GRIN1: variants seen among roughly 807,000 people sequenced by gnomAD.
GRIN1 encodes the protein glutamate receptor ionotropic, NMDA 1.
A neutral mutation model predicts 103.0 loss-of-function variants in GRIN1; 38 were observed. That is an observed-to-expected ratio of 0.37 (90% confidence interval 0.28 to 0.48). The LOEUF is 0.48. GRIN1 is among the 20% of genes least tolerant of loss of function. The pLI is 0.98. For missense variants in GRIN1, 577 were observed against 1,288.9 expected, an observed-to-expected ratio of 0.45 and a Z score of 8.46; for synonymous variants, 544 against 532.7, an observed-to-expected ratio of 1.02 and a Z score of -0.29.
In GRIN1 at chr9:137,162,164, C is replaced by T. The variant is rs1467409535; in HGVS notation, c.1633-8C>T. On this transcript the variant is annotated splice_polypyrimidine_tract_variant and splice_region_variant and intron_variant, in intron 11 of 19. Transcript: ENST00000371561. ...CCCGGGCCGCGCTGACCTCGCGTCCCTCCGCAGGAGATTCCCCGGAGCACG... is the reference window on the plus strand; with the variant it reads ...CCCGGGCCGCGCTGACCTCGCGTCCTTCCGCAGGAGATTCCCCGGAGCACG... 1.3e-6 allele frequency: 2 copies of T among 1,544,572 alleles called. No individual in the cohort carries two copies.
Position 137,139,777 on chromosome 9 carries a change from C to G in GRIN1, c.258+33C>G, listed in dbSNP as rs1211063203. On this transcript the variant is annotated intron_variant, in intron 1 of 19. Transcript: ENST00000371561. The surrounding 1 kb of genome is among the most constrained non-coding windows in gnomAD (Gnocchi z 7.7). ...CCCCCACCTCCGCCACCCACCTCCC[C>G]TCTCCTCCATCCTGCAACCCCACAC... 1 of 1,567,432 alleles carries G rather than the reference C, an allele frequency of 6.4e-7. No individual in the cohort carries two copies. The highest frequency in any genetic ancestry group is 8.8e-7 in the Non-Finnish European group (1 of 1,138,134).
rs753854462 is a variant in GRIN1 at position 137,162,404 on chromosome 9, C to T, written c.1752C>T (p.Ser584=). The T allele has an allele frequency of 5.0e-6, 8 of 1,603,190 alleles. No homozygotes were observed. The East Asian group carries it at 1.8e-4, about 36-fold the overall frequency. The change falls in exon 13 of 20, where the codon AGC becomes AGT. Residue 584 remains serine, a splice_region_variant and synonymous_variant. Coordinates refer to ENST00000371561, the MANE Select transcript of GRIN1 (RefSeq NM_007327.4). Reference sequence around the variant, plus strand: ...CCCGCCCGCCCTCTGCGCCCCGCAGCCCCTTCGGCCGGTTCAAGGTGAACA... The same window carrying T: ...CCCGCCCGCCCTCTGCGCCCCGCAGTCCCTTCGGCCGGTTCAAGGTGAACA... ...AVMLYLLDRF[S]PFGRFKVNSE...
chr9:137,153,091 A>G (rs1045665598), intron 4 of GRIN1, among the ~76,000 whole-genome samples: 6 of 151,932 alleles, frequency 3.9e-5, no homozygotes, highest in African/African-American at 1.5e-4. Context: ...ACGTGTACAC[A>G]CATGCACCAT....
Position 137,162,448 on chromosome 9 carries a change from AC to A in GRIN1, c.1797del (p.Asp599GlufsTer3). 6.2e-7 allele frequency: 1 copy of A among 1,610,388 alleles called. No individual in the cohort carries two copies. Reference sequence around the variant, plus strand: ...GTGAACAGCGAGGAGGAGGAGGAGGACGCACTGACCCTGTCCTCGGCCATGT... The same window carrying A: ...GTGAACAGCGAGGAGGAGGAGGAGGAGCACTGACCCTGTCCTCGGCCATGT... ...FKVNSEEEEE[D>X]ALTLSSAMWF... On this transcript the variant is annotated frameshift_variant, in exon 13 of 20. Coordinates refer to ENST00000371561, the MANE Select transcript of GRIN1 (RefSeq NM_007327.4). LOFTEE classifies it high-confidence loss of function.
chr9:137,152,063 C>T (rs552674550), intron 4 of GRIN1, among the ~76,000 whole-genome samples: 46 of 152,002 alleles, frequency 3.0e-4, no homozygotes, highest in Non-Finnish European at 5.4e-4. Flanking sequence ...CCTGCCACCA[C>T]GCCCTGCTAC....
intron 6 of GRIN1, 105 bp downstream of exon 6, chr9:137,157,142 T>G: frequency 9.9e-7 from 1 of 1,011,626 alleles, no homozygotes; most frequent in Non-Finnish European, 1.4e-6. Flanking sequence ...GCGGGGCCAC[T>G]CTCCAGAGCT....
chr9:137,164,387 T>A lies in GRIN1; in HGVS notation c.2589+483T>A. 2.1e-5 allele frequency: 5 copies of A among 238,194 alleles called. No homozygotes were observed. In the South Asian group the frequency reaches 2.6e-4, roughly 13 times the overall value. The allele number at this position is 238,194 out of a possible 1,614,324, so 14.8% of individuals were successfully genotyped here. On this transcript the variant is annotated intron_variant, in intron 18 of 19. Coordinates refer to ENST00000371561, the MANE Select transcript of GRIN1 (RefSeq NM_007327.4). Reference sequence around the variant, plus strand: ...GTCCGGTCCTGCCTGGTGCCCAGGTTGTATCCATGAGAATTTGCCACCAGC... The same window carrying A: ...GTCCGGTCCTGCCTGGTGCCCAGGTAGTATCCATGAGAATTTGCCACCAGC...
intron 8 of GRIN1, among the ~76,000 whole-genome samples, chr9:137,160,254 C>T (rs925284349): frequency 6.6e-6 from 1 of 152,208 alleles, no homozygotes; most frequent in African/African-American, 2.4e-5. Flanking sequence ...AAGGGAGGCA[C>T]GGGTGGGTGG....
rs902070591 is a variant in GRIN1, at chr9:137,139,981, C to T, written c.258+237C>T. 4.6e-5 allele frequency among the ~76,000 whole-genome samples: 7 copies of T among 152,184 alleles called. No homozygotes were observed. The highest frequency in any genetic ancestry group is 4.4e-5 in the Non-Finnish European group (3 of 68,038). On this transcript the variant is annotated intron_variant, in intron 1 of 19. Coordinates refer to ENST00000371561, the MANE Select transcript of GRIN1 (RefSeq NM_007327.4). This position sits in a 1 kb window ranked among gnomAD's most constrained non-coding sequence, Gnocchi z 7.7. ...CACCTTGGCTGGTCCTCAGAGGGCC[C>T]CTGGGGCTCCAGGCCCTGACTGGTG...
chr9:137,158,417 G>T lies in GRIN1; in HGVS notation c.1007G>T (p.Gly336Val). Residue 336 changes from glycine (G) to valine (V), a missense_variant, in exon 7 of 20, where the codon GGT (glycine) becomes GTT (valine). Around this residue, in one of 9 missense-constraint regions of GRIN1, gnomAD observed 308 missense variants for 553.6 expected, o/e 0.56. Coordinates refer to ENST00000371561, the MANE Select transcript of GRIN1 (RefSeq NM_007327.4). The part of the protein sequence containing the change: ...MSSKYADGVT[G>V]RVEFNEDGDR... ...TCCAAGTATGCGGATGGGGTGACTG[G>T]TCGCGTGGAGTTCAATGAGGATGGG... is the stretch of plus-strand genomic sequence containing the variant. 1 of 1,613,614 alleles carries T rather than the reference G, an allele frequency of 6.2e-7. No individual in the cohort carries two copies. The highest frequency in any genetic ancestry group is 8.5e-7 in the Non-Finnish European group (1 of 1,180,000).
chr9:137,156,864 C>T lies in GRIN1; in HGVS notation c.795C>T (p.Gly265=). 1 of 1,611,150 alleles carries T rather than the reference C, an allele frequency of 6.2e-7. No individual in the cohort carries two copies. Among genetic ancestry groups the T allele is most frequent in the Non-Finnish European group, 8.5e-7 (1 of 1,179,282 alleles). Residue 265 remains glycine, a splice_region_variant and synonymous_variant, in exon 6 of 20, where the codon GGC becomes GGT. Transcript: ENST00000371561. ...SGNALRYAPD[G]ILGLQLINGK... ...GCTCTGAGTCGCATGCTCGCCTAGG[C>T]ATCCTCGGGCTGCAGCTCATCAACG...
intron 18 of GRIN1, chr9:137,164,322 A>G (rs1260439943): frequency 9.6e-6 from 3 of 314,014 alleles, no homozygotes; most frequent in South Asian, 2.7e-5. Flanking sequence ...CTTTCCTGCT[A>G]TGTCCTTGTG....
intron 1 of GRIN1, 59 bp from the exon 2 acceptor site, chr9:137,141,954 T>C: frequency 6.3e-7 from 1 of 1,598,548 alleles, no homozygotes. Context: ...GATCTCAGCC[T>C]CTAACCCAGT....
intron 8 of GRIN1, among the ~76,000 whole-genome samples, chr9:137,159,546 G>A (rs1259184465): frequency 2.0e-5 from 3 of 152,320 alleles, no homozygotes; most frequent in East Asian, 1.9e-4. Context: ...CAGTGCCAGT[G>A]TGGGTTTCAT....
chr9:137,167,282 T>A, intron 19 of GRIN1, 129 bp from the exon 20 acceptor site: 1 of 736,032 alleles, frequency 1.4e-6, no homozygotes, highest in Non-Finnish European at 2.4e-6. Flanking sequence ...GTGGGGTCAG[T>A]CCGGCTGCGG....
intron 2 of GRIN1, 34 bp from the exon 3 acceptor site, chr9:137,145,692 C>T (rs759251738): frequency 1.3e-6 from 2 of 1,591,162 alleles, no homozygotes; most frequent in East Asian, 2.2e-5. Flanking sequence ...CCCCGCGGGT[C>T]CACCTCAGCC....
chr9:137,144,524 G>T (rs183144405), intron 2 of GRIN1, among the ~76,000 whole-genome samples: 5 of 151,898 alleles, frequency 3.3e-5, no homozygotes, highest in South Asian at 2.1e-4. Flanking sequence ...GCGTGGTGGC[G>T]GGCGCCTGTA....
At chr9:137,142,232 T>TG in intron 2 of GRIN1, 85 bp downstream of exon 2, 1 of 1,407,040 alleles carries the variant, frequency 7.1e-7, no homozygotes, top group Non-Finnish European at 1.0e-6. Context: ...GCCGACCCGC[T>TG]CACATGGAAC....
Position 137,167,901 on chromosome 9 carries a change from C to A in GRIN1, c.*374C>A. On this transcript the variant is annotated 3_prime_UTR_variant, in exon 20 of 20. Coordinates refer to ENST00000371561, the MANE Select transcript of GRIN1 (RefSeq NM_007327.4). ...CGGCCAAGGACACTGATGGGTCCTG[C>A]TGCTCGGGAAGGCCTGAGGGAAGCC... 6.7e-7 allele frequency: 1 copy of A among 1,486,116 alleles called. No individual in the cohort carries two copies. The highest frequency in any genetic ancestry group is 9.3e-7 in the Non-Finnish European group (1 of 1,072,338). 92.1% of individuals were successfully genotyped at this position (1,486,116 alleles called of 1,614,324 possible). A position where few individuals can be genotyped will look rare whatever the true frequency, so the allele number is the denominator to read the frequency against.
Sources: gnomAD v4.1 joint callset for allele counts (sites outside exome capture counted in the v4.1 genomes callset) on GRCh38, gnomAD v4.1.1 for gene constraint, gnomAD v4.1.1 regional missense constraint, Gnocchi (gnomAD v3.1) non-coding constraint, MANE v1.5 for transcripts, NCBI Gene and HGNC (gene_info 2026-07-23, HGNC 2026-07-21) for gene names.